Variants in EFCAB6 observed in about 807,000 individuals in gnomAD.
EFCAB6 encodes the protein EF-hand calcium-binding domain-containing protein 6.
In EFCAB6, 156 loss-of-function variants were observed where a neutral mutation model predicts 169.8. That is an observed-to-expected ratio of 0.92 (90% CI 0.81 to 1.05). The LOEUF is 1.05. EFCAB6 is among the 50% of genes least tolerant of loss of function. The pLI, the probability that EFCAB6 is intolerant of heterozygous loss-of-function variation, is 0.00. For synonymous variants in EFCAB6, 698 were observed against 676.4 expected (o/e 1.03, Z -0.50); for missense variants, 1,800 against 1,829.1 (o/e 0.98, Z 0.29).
chr22:43,649,323 C>T (rs1418141726), intron 17 of EFCAB6, among the ~76,000 whole-genome samples: 1 of 151,962 alleles, frequency 6.6e-6, no homozygotes, highest in African/African-American at 2.4e-5. Flanking sequence ...AAAATAAATG[C>T]AAATTAAAGT....
At position 43,576,283 on chromosome 22, in the gene EFCAB6, G is replaced by A. The variant is rs200621585; in HGVS notation, c.3420+14C>T. 6 of 1,568,694 alleles carry A rather than the reference G, an allele frequency of 3.8e-6. No homozygotes were observed. The highest frequency in any genetic ancestry group is 2.8e-5 in the African/African-American group (2 of 71,688). ...ATTTTCAAAGAGATGCTTATGTGCT[G>A]CAGACATTCTTACCTCCTCAAGGAA... On this transcript the variant is annotated intron_variant, in intron 26 of 31. Transcript: ENST00000262726.
intron 24 of EFCAB6, among the ~76,000 whole-genome samples, chr22:43,586,740 G>C (rs1473621765): frequency 6.6e-6 from 1 of 152,088 alleles, no homozygotes; most frequent in Non-Finnish European, 1.5e-5. Context: ...TCTCAAGGTG[G>C]GGTGCAAAAG....
At chr22:43,559,847 C>T (rs370359655) in intron 26 of EFCAB6, among the ~76,000 whole-genome samples, 116 of 151,946 alleles carry the variant, frequency 7.6e-4, no homozygotes, top group African/African-American at 2.7e-3. Context: ...GAACATCACA[C>T]ACTGGGGCCT....
intron 21 of EFCAB6, among the ~76,000 whole-genome samples, chr22:43,614,999 G>A (rs552663119): frequency 1.3e-5 from 2 of 152,320 alleles, no homozygotes; most frequent in South Asian, 4.1e-4. Context: ...AGGACAGGAG[G>A]TTGGGTAGAG....
chr22:43,605,425 A>G (rs1350974766), intron 22 of EFCAB6, among the ~76,000 whole-genome samples: 1 of 152,166 alleles, frequency 6.6e-6, no homozygotes, highest in Non-Finnish European at 1.5e-5. Flanking sequence ...CAGGCAGATC[A>G]CGAGGTCAAG....
chr22:43,694,318 G>A (rs761795101), intron 10 of EFCAB6, among the ~76,000 whole-genome samples: 5 of 151,960 alleles, frequency 3.3e-5, no homozygotes, highest in South Asian at 2.1e-4. Flanking sequence ...ACTAATTTAC[G>A]ATTTAAAATA....
chr22:43,732,042 G>C (rs769566758), intron 7 of EFCAB6, among the ~76,000 whole-genome samples: 2 of 152,244 alleles, frequency 1.3e-5, no homozygotes, highest in Non-Finnish European at 2.9e-5. Flanking sequence ...AAATTAGAGT[G>C]AGACAGAAAT....
At chr22:43,635,532 C>T (rs2055326217) in intron 17 of EFCAB6, among the ~76,000 whole-genome samples, 1 of 152,158 alleles carries the variant, frequency 6.6e-6, no homozygotes, top group African/African-American at 2.4e-5. Flanking sequence ...CTTGTCACTG[C>T]CATGGCTTTA....
intron 20 of EFCAB6, among the ~76,000 whole-genome samples, chr22:43,623,210 C>T (rs554172327): frequency 1.1e-4 from 16 of 152,210 alleles, no homozygotes; most frequent in East Asian, 1.9e-4. Context: ...TCTGATCATG[C>T]AGTATTTGGT....
chr22:43,571,825 AC>A (rs1365857585), intron 26 of EFCAB6, among the ~76,000 whole-genome samples: 3 of 151,184 alleles, frequency 2.0e-5, no homozygotes, highest in Non-Finnish European at 4.4e-5. Flanking sequence ...CTCCACGGTC[AC>A]CCCCCTCCTC....
chr22:43,691,329 T>C (rs892782778), intron 10 of EFCAB6, among the ~76,000 whole-genome samples: 17 of 152,216 alleles, frequency 1.1e-4, no homozygotes, highest in African/African-American at 3.6e-4. Flanking sequence ...CTTTTTATAA[T>C]GGAAACTATA....
chr22:43,566,918 C>A (rs1569169034), intron 26 of EFCAB6, among the ~76,000 whole-genome samples: 1 of 152,178 alleles, frequency 6.6e-6, no homozygotes. Context: ...CCCCACTGCC[C>A]TGCCCTGGCC....
At chr22:43,679,518 G>A (rs955115907) in intron 12 of EFCAB6, among the ~76,000 whole-genome samples, 2 of 152,092 alleles carry the variant, frequency 1.3e-5, no homozygotes, top group African/African-American at 4.8e-5. Context: ...GGAATTGCTG[G>A]GTTCTATAAG....
Position 43,580,451 on chromosome 22 carries a change from C to T in EFCAB6, c.3228+13G>A. On this transcript the variant is annotated intron_variant, in intron 25 of 31. Transcript: ENST00000262726. ...ATGAGTTTTCACAGTAAAGCACTTT[C>T]AGCCTGTCATACCGTGGACAAAGCC... 6.2e-7 allele frequency: 1 copy of T among 1,612,824 alleles called. No individual in the cohort carries two copies. Among genetic ancestry groups the T allele is most frequent in the Non-Finnish European group, 8.5e-7 (1 of 1,179,408 alleles).
chr22:43,673,374 C>T (rs1442974873), intron 13 of EFCAB6, among the ~76,000 whole-genome samples: 1 of 152,032 alleles, frequency 6.6e-6, no homozygotes, highest in Non-Finnish European at 1.5e-5. Flanking sequence ...GAAATAATTA[C>T]ATAGAGTAAT....
At chr22:43,634,899 T>A (rs986606340) in intron 18 of EFCAB6, among the ~76,000 whole-genome samples, 1 of 152,174 alleles carries the variant, frequency 6.6e-6, no homozygotes, top group Admixed American at 6.5e-5. Context: ...GAAGACTCTT[T>A]CAGGCAAAGT....
intron 26 of EFCAB6, among the ~76,000 whole-genome samples, chr22:43,567,914 G>A (rs1429977971): frequency 2.0e-5 from 3 of 152,192 alleles, no homozygotes; most frequent in Non-Finnish European, 2.9e-5. Flanking sequence ...CCGAAGCCAT[G>A]CTCCTCCGAT....
intron 27 of EFCAB6, 83 bp downstream of exon 27, chr22:43,554,786 T>C: frequency 8.1e-7 from 1 of 1,231,492 alleles, no homozygotes; most frequent in Non-Finnish European, 1.2e-6. Flanking sequence ...GAGAACAGTC[T>C]TAAACTCTGT....
chr22:43,575,292 G>T (rs1382665436), intron 26 of EFCAB6, among the ~76,000 whole-genome samples: 1 of 151,750 alleles, frequency 6.6e-6, no homozygotes. Flanking sequence ...CTGGGTTCAG[G>T]TGATTCTCCA....
Sources: allele counts gnomAD v4.1 joint callset (sites outside exome capture counted in the v4.1 genomes callset), GRCh38; gene constraint gnomAD v4.1.1; transcripts MANE v1.5; gene names NCBI Gene and HGNC (gene_info 2026-07-23, HGNC 2026-07-21).